Variants in UBE2R2 observed in about 807,000 individuals in gnomAD.
UBE2R2 encodes the protein ubiquitin-conjugating enzyme E2 R2.
A neutral mutation model predicts 27.8 loss-of-function variants in UBE2R2; 1 was observed. The observed-to-expected ratio is 0.04, with a 90% CI of 0.01 to 0.17. UBE2R2 has a LOEUF of 0.17. UBE2R2 is among the 10% of genes least tolerant of loss of function. UBE2R2 has a pLI of 1.00. For synonymous variants in UBE2R2, 106 were observed against 113.3 expected (o/e 0.94, Z 0.41); for missense variants, 100 against 291.0 (o/e 0.34, Z 4.78).
At chr9:33,896,946 T>C (rs1295148494) in intron 2 of UBE2R2, among the ~76,000 whole-genome samples, 1 of 120,676 alleles carries the variant, frequency 8.3e-6, no homozygotes, top group African/African-American at 3.5e-5. Flanking sequence ...AAGGTTGTGT[T>C]TTTTGTGTTT....
rs1023035703 is a variant in UBE2R2, at chr9:33,919,922, T to C, written c.*2685T>C. 2.0e-5 allele frequency: 3 copies of C among 152,240 alleles called. No individual in the cohort carries two copies. The highest frequency in any genetic ancestry group is 4.4e-5 in the Non-Finnish European group (3 of 68,038). The allele number at this position is 152,240 out of a possible 1,614,324, so 9.4% of individuals were successfully genotyped here. A position where few individuals can be genotyped will look rare whatever the true frequency, so the allele number is the denominator to read the frequency against. ...TGGGTGGAGAAGTATATGATTCTGCTGTTGATTCTTTCAGTCTTCCCCCCT... is the reference window on the plus strand; with the variant it reads ...TGGGTGGAGAAGTATATGATTCTGCCGTTGATTCTTTCAGTCTTCCCCCCT... On this transcript the variant is annotated 3_prime_UTR_variant, in exon 5 of 5. Coordinates refer to ENST00000263228, the MANE Select transcript of UBE2R2 (RefSeq NM_017811.4).
intron 1 of UBE2R2, among the ~76,000 whole-genome samples, chr9:33,847,374 C>T (rs971362519): frequency 3.3e-5 from 5 of 152,140 alleles, no homozygotes; most frequent in African/African-American, 1.2e-4. Flanking sequence ...GGATTAGAGG[C>T]GTGTGCCACT....
At chr9:33,840,385 G>A (rs1432501445) in intron 1 of UBE2R2, among the ~76,000 whole-genome samples, 2 of 152,070 alleles carry the variant, frequency 1.3e-5, no homozygotes, top group Non-Finnish European at 2.9e-5. Flanking sequence ...GTGTTATGAT[G>A]TCTTTTAAAC....
chr9:33,898,138 T>C (rs1359795332), intron 2 of UBE2R2, among the ~76,000 whole-genome samples: 1 of 151,878 alleles, frequency 6.6e-6, no homozygotes, highest in Non-Finnish European at 1.5e-5. Flanking sequence ...CAGGCTGGAG[T>C]GCAGTGGCGT....
At chr9:33,911,432 A>AAC (rs1279203551) in intron 3 of UBE2R2, among the ~76,000 whole-genome samples, 1 of 140,602 alleles carries the variant, frequency 7.1e-6, no homozygotes, top group African/African-American at 2.7e-5. Context: ...AAAAAAAAAA[A>AAC]AAACCTGGTT....
chr9:33,857,603 A>AC (rs1183895094), intron 1 of UBE2R2, among the ~76,000 whole-genome samples: 2 of 152,254 alleles, frequency 1.3e-5, no homozygotes, highest in Non-Finnish European at 2.9e-5. Context: ...GGCGTGAGCC[A>AC]CCGTGACCAA....
chr9:33,851,017 G>A (rs967732523), intron 1 of UBE2R2, among the ~76,000 whole-genome samples: 3 of 152,098 alleles, frequency 2.0e-5, no homozygotes, highest in Non-Finnish European at 2.9e-5. Flanking sequence ...TAAACATTTT[G>A]GCCTTCCAGG....
chr9:33,819,712 C>T (rs911795562), intron 1 of UBE2R2, among the ~76,000 whole-genome samples: 1 of 151,782 alleles, frequency 6.6e-6, no homozygotes, highest in African/African-American at 2.4e-5. Flanking sequence ...GATCTCGCCT[C>T]ACTGCAACCT....
At chr9:33,882,246 A>G (rs1821745802) in intron 1 of UBE2R2, among the ~76,000 whole-genome samples, 1 of 152,082 alleles carries the variant, frequency 6.6e-6, no homozygotes, top group South Asian at 2.1e-4. Context: ...GTGTTTCACC[A>G]AAGGGCCCTG....
chr9:33,852,252 A>G (rs1323954283), intron 1 of UBE2R2, among the ~76,000 whole-genome samples: 2 of 152,168 alleles, frequency 1.3e-5, no homozygotes, highest in Admixed American at 6.5e-5. Flanking sequence ...TTGAGGGTGC[A>G]GTGAGCTATG....
At chr9:33,869,946 A>G (rs1171168301) in intron 1 of UBE2R2, among the ~76,000 whole-genome samples, 1 of 152,012 alleles carries the variant, frequency 6.6e-6, no homozygotes, top group African/African-American at 2.4e-5. Context: ...TCCTGGGTTC[A>G]AGCGATTCTC....
At chr9:33,863,188 C>CAAAA (rs544206798) in intron 1 of UBE2R2, among the ~76,000 whole-genome samples, 1 of 106,024 alleles carries the variant, frequency 9.4e-6, no homozygotes, top group Non-Finnish European at 2.0e-5. Context: ...GAGACTCCCT[C>CAAAA]AAAAAAAAAA....
chr9:33,888,440 C>CT (rs998891574), intron 2 of UBE2R2, among the ~76,000 whole-genome samples: 19 of 151,978 alleles, frequency 1.3e-4, no homozygotes, highest in African/African-American at 4.3e-4. Context: ...TGCATCAGTT[C>CT]TTTTTTTTGG....
At chr9:33,843,021 C>CA (rs56193762) in intron 1 of UBE2R2, among the ~76,000 whole-genome samples, 56,383 of 97,692 alleles carry the variant, frequency 0.58, 13,921 homozygotes, top group East Asian at 0.72. Context: ...ACCGTGTTTA[C>CA]AAAAAAAAAA....
chr9:33,878,016 CA>C (rs1285419982), intron 1 of UBE2R2, among the ~76,000 whole-genome samples: 1 of 152,122 alleles, frequency 6.6e-6, no homozygotes, highest in African/African-American at 2.4e-5. Flanking sequence ...CTCAGCCTCC[CA>C]AAGTGCTAAG....
At chr9:33,842,759 A>AT (rs1820756737) in intron 1 of UBE2R2, among the ~76,000 whole-genome samples, 2 of 152,014 alleles carry the variant, frequency 1.3e-5, no homozygotes, top group South Asian at 4.2e-4. Flanking sequence ...ATCACTTCCA[A>AT]TTAAAGAGTA....
At chr9:33,832,151 A>G (rs1403449687) in intron 1 of UBE2R2, among the ~76,000 whole-genome samples, 1 of 150,980 alleles carries the variant, frequency 6.6e-6, no homozygotes, top group African/African-American at 2.4e-5. Context: ...TCTACTAAAA[A>G]TACAAAATTA....
At chr9:33,855,956 G>T (rs1455983036) in intron 1 of UBE2R2, among the ~76,000 whole-genome samples, 1 of 152,188 alleles carries the variant, frequency 6.6e-6, no homozygotes, top group African/African-American at 2.4e-5. Context: ...TGCTTGGGAG[G>T]CTGAGGTGGG....
chr9:33,895,575 T>C (rs1236070085), intron 2 of UBE2R2, among the ~76,000 whole-genome samples: 2 of 152,166 alleles, frequency 1.3e-5, no homozygotes, highest in Non-Finnish European at 2.9e-5. Flanking sequence ...TGTCAATAAC[T>C]GTAAAATGGG....
Sources: gnomAD v4.1 joint callset for allele counts (sites outside exome capture counted in the v4.1 genomes callset) on GRCh38, gnomAD v4.1.1 for gene constraint, MANE v1.5 for transcripts, NCBI Gene and HGNC (gene_info 2026-07-23, HGNC 2026-07-21) for gene names.